Variants in ANKAR observed in about 807,000 individuals in gnomAD.
The protein encoded by ANKAR is ankyrin and armadillo repeat containing.
In ANKAR, 136 loss-of-function variants were observed where a neutral mutation model predicts 146.2. The observed-to-expected ratio is 0.93, with a 90% CI of 0.81 to 1.07. The LOEUF is 1.07. ANKAR is among the 50% of genes least tolerant of loss of function. The probability of loss-of-function intolerance (pLI) is 0.00; values close to 1 mark genes in which losing one functional copy is unlikely to be tolerated. For missense variants in ANKAR, 1,567 were observed against 1,679.9 expected (o/e 0.93, Z 1.18); for synonymous variants, 500 against 575.8 (o/e 0.87, Z 1.88).
At position 189,708,800 on chromosome 2, in the gene ANKAR, A is replaced by G. The variant is rs188639482; in HGVS notation, c.2119+1654A>G. On this transcript the variant is annotated intron_variant, in intron 9 of 22. Transcript: ENST00000684021. ...GTACTATCCTCCGTTTCAGGCATCC[A>G]CTGGGGGTTTTGGAATGTATCCTCT... 1.2e-3 allele frequency among the ~76,000 whole-genome samples: 184 copies of G among 152,296 alleles called. 2 individuals are homozygous for G. Among genetic ancestry groups the G allele is most frequent in the African/African-American group, 4.0e-3 (165 of 41,578 alleles).
At chr2:189,696,094 T>G in intron 6 of ANKAR, 56 bp from the exon 7 acceptor site, 1 of 1,551,304 alleles carries the variant, frequency 6.4e-7, no homozygotes, top group Non-Finnish European at 8.8e-7. Flanking sequence ...ATTTTTTTCC[T>G]TAAACCAAAC....
chr2:189,714,008 G>A (rs919725378), intron 10 of ANKAR, among the ~76,000 whole-genome samples: 1 of 151,980 alleles, frequency 6.6e-6, no homozygotes, highest in Non-Finnish European at 1.5e-5. Context: ...ATATTAAAAA[G>A]GAGACAAGGG....
chr2:189,705,246 T>G (rs1198544831), intron 8 of ANKAR, 22 bp downstream of exon 8: 1 of 1,609,306 alleles, frequency 6.2e-7, no homozygotes, highest in Admixed American at 1.7e-5. Flanking sequence ...AGCATTTATA[T>G]CAGGTTGAGG....
chr2:189,755,596 G>C (rs2045956999), intron 18 of ANKAR: 6 of 1,565,554 alleles, frequency 3.8e-6, no homozygotes, highest in Non-Finnish European at 5.1e-6. Context: ...GTAGTTTTAA[G>C]ATTGTAAAAA....
chr2:189,734,610 G>C (rs2042679172), intron 17 of ANKAR, among the ~76,000 whole-genome samples: 2 of 152,172 alleles, frequency 1.3e-5, no homozygotes, highest in Non-Finnish European at 2.9e-5. Flanking sequence ...AGGGATCAAG[G>C]AGGGTCAGGA....
At chr2:189,749,289 GTT>G (rs11307480), downstream of ANKAR, among the ~76,000 whole-genome samples, 280 of 133,552 alleles carry the variant, frequency 2.1e-3, no homozygotes, top group African/African-American at 6.3e-3. Flanking sequence ...TTACTCCACG[GTT>G]TTTTTTTTTT....
chr2:189,719,000 C>T (rs2040913566), intron 10 of ANKAR, among the ~76,000 whole-genome samples: 1 of 151,982 alleles, frequency 6.6e-6, no homozygotes, highest in Non-Finnish European at 1.5e-5. Flanking sequence ...CCACCCGCCT[C>T]GGCCTCCCAA....
At chr2:189,697,167 G>A (rs951013474) in intron 7 of ANKAR, among the ~76,000 whole-genome samples, 1 of 151,682 alleles carries the variant, frequency 6.6e-6, no homozygotes, top group Non-Finnish European at 1.5e-5. Context: ...GAGGCTGGAG[G>A]ATCACTTTAG....
In ANKAR at chr2:189,719,656, C is replaced by A. The variant is rs1223859249; in HGVS notation, c.2309C>A (p.Ser770Ter). 5 of 1,614,094 alleles carry A rather than the reference C, an allele frequency of 3.1e-6. No individual in the cohort carries two copies. The South Asian group carries it at 5.5e-5, about 18-fold the overall frequency. Residue 770 changes from serine (S) to a stop codon, truncating the protein, a stop_gained, in exon 11 of 23, where the codon TCA becomes TAA. Coordinates refer to ENST00000684021, the MANE Select transcript of ANKAR (RefSeq NM_001378068.1). LOFTEE classifies it high-confidence loss of function. ...CKTVGLLSNI[S>*]THKSAVHALV... ...ACTGTTGGGTTATTGAGTAATATCT[C>A]AACCCACAAAAGTGCAGTGCATGCT... is the stretch of plus-strand genomic sequence containing the variant.
rs376824673 is a variant in ANKAR at position 189,745,027 on chromosome 2, C to CTACTACTACTACTACTACTAATAATAA, written c.4057+241_4057+242insCTACTACTACTACTACTAATAATAATA. Reference sequence around the variant, plus strand: ...ACTACTACTACTACTACTACTACTACTAATAATACAAAAATTAGCCAGGCA... The same window carrying CTACTACTACTACTACTACTAATAATAA: ...ACTACTACTACTACTACTACTACTACTACTACTACTACTACTACTAATAATAATAATAATACAAAAATTAGCCAGGCA... On this transcript the variant is annotated intron_variant, in intron 22 of 22. Coordinates refer to ENST00000684021, the MANE Select transcript of ANKAR (RefSeq NM_001378068.1). Among the ~76,000 whole-genome samples, 921 of 131,060 alleles carry CTACTACTACTACTACTACTAATAATAA rather than the reference C, an allele frequency of 7.0e-3. 7 individuals are homozygous for CTACTACTACTACTACTACTAATAATAA. Among genetic ancestry groups the CTACTACTACTACTACTACTAATAATAA allele is most frequent in the East Asian group, 0.011 (48 of 4,476 alleles). The allele number at this position is 131,060 out of a possible 152,430, so 86.0% of individuals were successfully genotyped here.
At chr2:189,734,543 T>A (rs2042672647) in intron 17 of ANKAR, among the ~76,000 whole-genome samples, 6 of 152,192 alleles carry the variant, frequency 3.9e-5, no homozygotes, top group Admixed American at 3.9e-4. Flanking sequence ...TACAGGGCAT[T>A]TCACAACCAG....
chr2:189,689,476 A>C, intron 2 of ANKAR, 51 bp from the exon 3 acceptor site: 1 of 1,421,950 alleles, frequency 7.0e-7, no homozygotes. Flanking sequence ...TTTATCCAGA[A>C]GCCAAATATG....
downstream of ANKAR, among the ~76,000 whole-genome samples, chr2:189,751,572 G>C (rs144780727): frequency 0.031 from 4,630 of 150,862 alleles, 102 homozygotes; most frequent in Non-Finnish European, 0.043. Flanking sequence ...AGCCTCCCGA[G>C]TAGCTGCGAT....
intron 18 of ANKAR, among the ~76,000 whole-genome samples, chr2:189,759,947 A>AGTG (rs1284034550): frequency 3.3e-5 from 5 of 152,098 alleles, no homozygotes; most frequent in South Asian, 2.1e-4. Flanking sequence ...GAGATTAGGG[A>AGTG]GTGGTGATGA....
At chr2:189,707,609 TTTTC>T (rs1166879210) in intron 9 of ANKAR, among the ~76,000 whole-genome samples, 1 of 150,698 alleles carries the variant, frequency 6.6e-6, no homozygotes, top group African/African-American at 2.4e-5. Context: ...GGAGATTTTA[TTTTC>T]TTTCTTTTTT....
intron 18 of ANKAR, among the ~76,000 whole-genome samples, chr2:189,758,867 T>G (rs1172797769): frequency 6.6e-6 from 1 of 152,198 alleles, no homozygotes; most frequent in African/African-American, 2.4e-5. Context: ...ATAAATAGGA[T>G]GGGAGTACCT....
chr2:189,720,874 A>C, intron 12 of ANKAR, 87 bp downstream of exon 12: 1 of 1,079,868 alleles, frequency 9.3e-7, no homozygotes. Flanking sequence ...ATATGAATAG[A>C]TGTCCCGAAT....
intron 16 of ANKAR, among the ~76,000 whole-genome samples, chr2:189,731,322 A>G (rs1017324704): frequency 6.6e-6 from 1 of 152,130 alleles, no homozygotes; most frequent in Non-Finnish European, 1.5e-5. Context: ...AGAAAATAGA[A>G]ATAACATAGG....
Position 189,719,658 on chromosome 2 carries a change from A to G in ANKAR, c.2311A>G (p.Thr771Ala), listed in dbSNP as rs2041005203. 1.2e-6 allele frequency: 2 copies of G among 1,614,028 alleles called. No individual in the cohort carries two copies. Among genetic ancestry groups the G allele is most frequent in the Admixed American group, 1.7e-5 (1 of 60,004 alleles). Residue 771 changes from threonine (T) to alanine (A), a missense_variant, in exon 11 of 23, where the codon ACC (threonine) becomes GCC (alanine). Physicochemically the swap from Thr to Ala is moderately conservative, Grantham distance 58. Coordinates refer to ENST00000684021, the MANE Select transcript of ANKAR (RefSeq NM_001378068.1). ...KTVGLLSNIS[T>A]HKSAVHALVE... is the part of the protein sequence containing the mutation. ...TGTTGGGTTATTGAGTAATATCTCA[A>G]CCCACAAAAGTGCAGTGCATGCTTT... is the stretch of plus-strand genomic sequence containing the variant.
Sources: allele counts gnomAD v4.1 joint callset (sites outside exome capture counted in the v4.1 genomes callset), GRCh38; gene constraint gnomAD v4.1.1; transcripts MANE v1.5; gene names NCBI Gene and HGNC (gene_info 2026-07-23, HGNC 2026-07-21).